Variants in ATP10B observed in about 807,000 individuals in gnomAD.
The protein encoded by ATP10B is ATPase phospholipid transporting 10B (putative), also known as phospholipid-transporting ATPase VB.
ATP10B carries 122 observed loss-of-function variants against 141.2 expected under a neutral mutation model. The observed-to-expected ratio is 0.86, with a 90% CI of 0.75 to 1.00. The LOEUF (loss-of-function observed/expected upper bound fraction) is 1.00. Ranked by LOEUF, ATP10B falls within the 50% of genes least tolerant of loss-of-function variation. ATP10B has a pLI of 0.00. For synonymous variants in ATP10B, 685 were observed against 692.0 expected (o/e 0.99, Z 0.16); for missense variants, 1,876 against 1,825.3 (o/e 1.03, Z -0.51).
At chr5:160,845,758 G>C (rs1776081886) in intron 1 of ATP10B, among the ~76,000 whole-genome samples, 1 of 152,098 alleles carries the variant, frequency 6.6e-6, no homozygotes, top group African/African-American at 2.4e-5. Context: ...TGGCTAGACT[G>C]TGAGCTATGA....
At chr5:160,640,834 C>T (rs1368789881) in intron 9 of ATP10B, among the ~76,000 whole-genome samples, 4 of 152,202 alleles carry the variant, frequency 2.6e-5, no homozygotes, top group African/African-American at 9.6e-5. Flanking sequence ...TGAGAGAGCT[C>T]CCATGCACAG....
At chr5:160,658,329 G>T (rs116799572) in intron 7 of ATP10B, among the ~76,000 whole-genome samples, 1 of 152,192 alleles carries the variant, frequency 6.6e-6, no homozygotes, top group African/African-American at 2.4e-5. Context: ...GGCAGAGAGA[G>T]GTCAGAAGGG....
At chr5:160,893,310 C>T in the ATP10B span, among the ~76,000 whole-genome samples, 1 of 152,196 alleles carries the variant, frequency 6.6e-6, no homozygotes, top group Admixed American at 6.5e-5. Context: ...GAAATTCTTG[C>T]TGCTAGCACA....
intron 1 of ATP10B, among the ~76,000 whole-genome samples, chr5:160,805,509 T>C (rs1339788238): frequency 4.6e-5 from 7 of 152,168 alleles, no homozygotes; most frequent in Non-Finnish European, 1.0e-4. Flanking sequence ...TAATTTCAGG[T>C]TTGGCACACG....
intron 1 of ATP10B, among the ~76,000 whole-genome samples, chr5:160,844,732 G>A (rs976790310): frequency 3.3e-5 from 5 of 151,922 alleles, no homozygotes; most frequent in African/African-American, 9.7e-5. Flanking sequence ...TTTTAGTAGA[G>A]ATGGGATTTT....
chr5:160,766,750 A>T (rs6887465), intron 2 of ATP10B, among the ~76,000 whole-genome samples: 96,453 of 152,110 alleles, frequency 0.63, 30,697 homozygotes, highest in Admixed American at 0.72. Flanking sequence ...ATAATAATTT[A>T]AAAAAGTTAG....
Position 160,602,667 on chromosome 5 carries a change from A to C in ATP10B, c.3273T>G (p.Phe1091Leu). The C allele has an allele frequency of 6.2e-7, 1 of 1,614,088 alleles. No individual in the cohort carries two copies. Among genetic ancestry groups the C allele is most frequent in the Non-Finnish European group, 8.5e-7 (1 of 1,179,932 alleles). ...VMSSDFAITR[F>L]KHLKKLLLVH... The stretch of plus-strand genomic sequence containing the variant: ...CGAGCAGCAACTTCTTGAGATGCTT[A>C]AAGCGGGTGATGGCAAAGTCGCTGG... Residue 1091 changes from phenylalanine (F) to leucine (L), a missense_variant, in exon 21 of 26, where the codon TTT (phenylalanine) becomes TTG (leucine). Phe to Leu is a conservative substitution (Grantham distance 22). Transcript: ENST00000327245.
chr5:160,798,744 A>ATTT (rs35866347), intron 1 of ATP10B, among the ~76,000 whole-genome samples: 70 of 102,466 alleles, frequency 6.8e-4, no homozygotes, highest in Middle Eastern at 5.9e-3. Flanking sequence ...CTTTTTCTCT[A>ATTT]TTTTTTTTTT....
chr5:160,766,375 C>CACACACAT (rs1769425179), intron 2 of ATP10B, among the ~76,000 whole-genome samples: 1 of 123,374 alleles, frequency 8.1e-6, no homozygotes, highest in African/African-American at 3.0e-5. Flanking sequence ...CACACACACA[C>CACACACAT]ACACACACAG....
At chr5:160,880,229 T>TATAAC in the ATP10B span, among the ~76,000 whole-genome samples, 3 of 145,706 alleles carry the variant, frequency 2.1e-5, no homozygotes, top group East Asian at 3.9e-4. Context: ...ATAAATAAAA[T>TATAAC]ATAAATATTT....
intron 2 of ATP10B, among the ~76,000 whole-genome samples, chr5:160,719,261 G>A (rs748459944): frequency 3.9e-5 from 6 of 152,188 alleles, no homozygotes; most frequent in Non-Finnish European, 5.9e-5. Context: ...TTAGCCAGGC[G>A]TGTTGGTGGG....
the ATP10B span, among the ~76,000 whole-genome samples, chr5:160,898,346 A>G: frequency 6.6e-6 from 1 of 152,226 alleles, no homozygotes; most frequent in African/African-American, 2.4e-5. Context: ...ATATGAACAG[A>G]CACTTCTCAA....
At chr5:160,868,886 G>A in the ATP10B span, among the ~76,000 whole-genome samples, 1 of 152,094 alleles carries the variant, frequency 6.6e-6, no homozygotes, top group Non-Finnish European at 1.5e-5. Context: ...CAATCTACAA[G>A]TATTTACTTG....
intron 1 of ATP10B, among the ~76,000 whole-genome samples, chr5:160,795,918 C>T (rs1771918339): frequency 6.6e-6 from 1 of 152,058 alleles, no homozygotes; most frequent in Admixed American, 6.6e-5. Flanking sequence ...GTTGTTTTAG[C>T]CAACAAGTTT....
At chr5:160,714,798 A>G (rs796347793) in intron 3 of ATP10B, among the ~76,000 whole-genome samples, 3 of 144,404 alleles carry the variant, frequency 2.1e-5, no homozygotes, top group Admixed American at 6.8e-5. Flanking sequence ...TTTTCGGTGT[A>G]GATGTCCTTT....
chr5:160,663,341 T>C (rs1432866698), intron 7 of ATP10B, among the ~76,000 whole-genome samples: 1 of 152,180 alleles, frequency 6.6e-6, no homozygotes, highest in African/African-American at 2.4e-5. Context: ...CATGCACATG[T>C]ATGTTTATTA....
At chr5:160,796,843 G>A (rs1055988070) in intron 1 of ATP10B, among the ~76,000 whole-genome samples, 1 of 152,162 alleles carries the variant, frequency 6.6e-6, no homozygotes, top group Non-Finnish European at 1.5e-5. Context: ...GGAGGAAAGG[G>A]AGAAAAGGTG....
chr5:160,797,968 A>T (rs1581551833), intron 1 of ATP10B, among the ~76,000 whole-genome samples: 1 of 152,022 alleles, frequency 6.6e-6, no homozygotes, highest in South Asian at 2.1e-4. Context: ...AAAAAAGAGA[A>T]AAGAAACAAG....
At chr5:160,666,663 G>A (rs1762336333) in intron 7 of ATP10B, among the ~76,000 whole-genome samples, 1 of 152,120 alleles carries the variant, frequency 6.6e-6, no homozygotes, top group Non-Finnish European at 1.5e-5. Flanking sequence ...CTATGGTACC[G>A]AGTTAGCCAG....
Sources: allele counts gnomAD v4.1 joint callset (sites outside exome capture counted in the v4.1 genomes callset), GRCh38; gene constraint gnomAD v4.1.1; transcripts MANE v1.5; gene names NCBI Gene and HGNC (gene_info 2026-07-23, HGNC 2026-07-21).